Variants in CNTN4 observed in about 807,000 individuals in gnomAD.
CNTN4 encodes the protein contactin-4.
Under a neutral mutation model 122.5 loss-of-function variants are expected in CNTN4, and 77 were observed. The observed-to-expected ratio is 0.63, with a 90% CI of 0.52 to 0.76. CNTN4 has a LOEUF of 0.76. Among genes scored for constraint, CNTN4 ranks in the 30% least tolerant of loss-of-function variants. CNTN4 has a pLI of 0.00. For missense variants in CNTN4, 1,256 were observed against 1,259.1 expected, an observed-to-expected ratio of 1.00 and a Z score of 0.04; for synonymous variants, 512 against 447.0, an observed-to-expected ratio of 1.15 and a Z score of -1.83.
chr3:2,884,326 T>A (rs902299956), intron 9 of CNTN4, among the ~76,000 whole-genome samples: 1 of 152,190 alleles, frequency 6.6e-6, no homozygotes, highest in African/African-American at 2.4e-5. Context: ...GAGGTTCCTT[T>A]TTCCATTTTA....
intron 9 of CNTN4, among the ~76,000 whole-genome samples, chr3:2,886,415 T>TA (rs201855836): frequency 8.5e-4 from 111 of 130,736 alleles, no homozygotes; most frequent in African/African-American, 7.1e-4. Context: ...AAAAATATAT[T>TA]AAAAAAAAAA....
intron 6 of CNTN4, among the ~76,000 whole-genome samples, chr3:2,785,768 TG>T (rs1363372206): frequency 6.6e-6 from 1 of 152,008 alleles, no homozygotes; most frequent in Non-Finnish European, 1.5e-5. Flanking sequence ...AGGGATATAC[TG>T]GGTAGAAGGG....
At chr3:2,588,092 G>A (rs562223123) in intron 4 of CNTN4, among the ~76,000 whole-genome samples, 1 of 151,604 alleles carries the variant, frequency 6.6e-6, no homozygotes, top group East Asian at 1.9e-4. Flanking sequence ...TTACTTGAAG[G>A]AACTTTATCA....
At chr3:2,601,326 T>C (rs1176199521) in intron 4 of CNTN4, among the ~76,000 whole-genome samples, 1 of 152,230 alleles carries the variant, frequency 6.6e-6, no homozygotes, top group African/African-American at 2.4e-5. Context: ...AGCATTTTTA[T>C]GGTTTTAGGC....
At chr3:2,816,019 T>C (rs556573863) in intron 6 of CNTN4, among the ~76,000 whole-genome samples, 15 of 152,002 alleles carry the variant, frequency 9.9e-5, no homozygotes, top group African/African-American at 3.6e-4. Context: ...ATGTTCTCAC[T>C]GATATGTGGG....
chr3:2,784,484 C>G (rs1205720565), intron 6 of CNTN4, among the ~76,000 whole-genome samples: 1 of 152,158 alleles, frequency 6.6e-6, no homozygotes, highest in African/African-American at 2.4e-5. Context: ...TGCCTGAAGT[C>G]ATACAACTAA....
chr3:2,858,293 T>G (rs2093636966), intron 7 of CNTN4, among the ~76,000 whole-genome samples: 1 of 152,216 alleles, frequency 6.6e-6, no homozygotes, highest in African/African-American at 2.4e-5. Context: ...GATCCAGCCT[T>G]TTGTGTTGTA....
intron 3 of CNTN4, among the ~76,000 whole-genome samples, chr3:2,358,374 G>T (rs1190577232): frequency 2.0e-5 from 3 of 151,920 alleles, no homozygotes; most frequent in Non-Finnish European, 4.4e-5. Flanking sequence ...CTTGGCATAG[G>T]AAGCACTCAG....
chr3:2,434,498 C>T (rs1361465115), intron 3 of CNTN4, among the ~76,000 whole-genome samples: 1 of 152,070 alleles, frequency 6.6e-6, no homozygotes, highest in Non-Finnish European at 1.5e-5. Flanking sequence ...GATTGTAGTC[C>T]CAGATTGGTG....
At chr3:3,015,403 A>G (rs569355395) in intron 14 of CNTN4, among the ~76,000 whole-genome samples, 5 of 152,314 alleles carry the variant, frequency 3.3e-5, no homozygotes, top group Admixed American at 1.3e-4. Context: ...AGCTTCATCA[A>G]TCAATCCTAT....
chr3:2,722,971 C>A (rs151287747), intron 4 of CNTN4, among the ~76,000 whole-genome samples: 31 of 152,246 alleles, frequency 2.0e-4, no homozygotes, highest in Admixed American at 3.9e-4. Context: ...CACATTTATC[C>A]ATTCTGCTGT....
At chr3:2,496,892 AT>A (rs1416302639) in intron 3 of CNTN4, among the ~76,000 whole-genome samples, 1 of 152,276 alleles carries the variant, frequency 6.6e-6, no homozygotes, top group South Asian at 2.1e-4. Context: ...GGGACTTCTC[AT>A]AGAAGTCCTG....
At chr3:2,557,237 A>G (rs561388800) in intron 3 of CNTN4, among the ~76,000 whole-genome samples, 139 of 152,334 alleles carry the variant, frequency 9.1e-4, no homozygotes, top group African/African-American at 3.2e-3. Context: ...AGGAAATTTG[A>G]TGTCAGAAAA....
At chr3:2,600,987 CATAA>C (rs2081018277) in intron 4 of CNTN4, among the ~76,000 whole-genome samples, 1 of 152,202 alleles carries the variant, frequency 6.6e-6, no homozygotes. Flanking sequence ...CTGTTGGCTG[CATAA>C]ATGTCTTCTT....
chr3:2,598,422 C>G (rs1403347536), intron 4 of CNTN4, among the ~76,000 whole-genome samples: 2 of 152,122 alleles, frequency 1.3e-5, no homozygotes, highest in Non-Finnish European at 2.9e-5. Flanking sequence ...AAAGCAAACT[C>G]TCCCTCTCAA....
At chr3:2,584,862 C>G (rs1231681477) in intron 4 of CNTN4, among the ~76,000 whole-genome samples, 1 of 151,684 alleles carries the variant, frequency 6.6e-6, no homozygotes, top group African/African-American at 2.4e-5. Context: ...ATCTTGTTCT[C>G]TACAGTGGTA....
chr3:2,925,511 C>G (rs1008690517), intron 12 of CNTN4, 118 bp from the exon 13 acceptor site: 47 of 1,098,122 alleles, frequency 4.3e-5, no homozygotes, highest in Non-Finnish European at 5.7e-5. Context: ...CAAGATTGCA[C>G]CACTGCACTG....
At chr3:2,160,507 T>C (rs1435481496) in intron 2 of CNTN4, among the ~76,000 whole-genome samples, 1 of 152,178 alleles carries the variant, frequency 6.6e-6, no homozygotes, top group African/African-American at 2.4e-5. Flanking sequence ...ATTATCATAT[T>C]GCTCACTGTT....
chr3:2,581,516 T>C (rs968737351), intron 4 of CNTN4, among the ~76,000 whole-genome samples: 3 of 152,164 alleles, frequency 2.0e-5, no homozygotes, highest in Non-Finnish European at 4.4e-5. Flanking sequence ...GTATTAGTCA[T>C]GGTTGACTCA....
Sources: gnomAD v4.1 joint callset for allele counts (sites outside exome capture counted in the v4.1 genomes callset) on GRCh38, gnomAD v4.1.1 for gene constraint, MANE v1.5 for transcripts, NCBI Gene and HGNC (gene_info 2026-07-23, HGNC 2026-07-21) for gene names.